The following PARN variants were observed in gnomAD, a reference collection of about 807,000 sequenced individuals.
PARN encodes the protein poly(A)-specific ribonuclease PARN.
PARN carries 71 observed loss-of-function variants against 102.8 expected under a neutral mutation model. The observed-to-expected ratio is 0.69, with a 90% confidence interval of 0.57 to 0.84. The LOEUF (loss-of-function observed/expected upper bound fraction) is 0.84, where lower values mean the gene tolerates loss of function less well. Ranked by LOEUF, PARN falls within the 40% of genes least tolerant of loss-of-function variation. The probability of loss-of-function intolerance (pLI) is 0.00; values close to 1 mark genes in which losing one functional copy is unlikely to be tolerated. For missense variants in PARN, 782 were observed against 760.9 expected, an observed-to-expected ratio of 1.03 and a Z score of -0.33; for synonymous variants, 261 against 252.9, an observed-to-expected ratio of 1.03 and a Z score of -0.30.
At chr16:14,508,191 G>A (rs976638766) in intron 21 of PARN, among the ~76,000 whole-genome samples, 11 of 151,700 alleles carry the variant, frequency 7.3e-5, no homozygotes, top group African/African-American at 2.7e-4. Flanking sequence ...CAGGCAGGCA[G>A]ATAGATAGAT....
chr16:14,627,366 A>G, intron 3 of PARN, 30 bp from the exon 4 acceptor site: 1 of 1,509,810 alleles, frequency 6.6e-7, no homozygotes, highest in East Asian at 2.4e-5. Flanking sequence ...CATCTGTCAC[A>G]AAAGTGCTGC....
chr16:14,586,316 A>C lies in PARN; in HGVS notation c.962+2T>G. 1 of 1,538,366 alleles carries C rather than the reference A, an allele frequency of 6.5e-7. No individual in the cohort carries two copies. The highest frequency in any genetic ancestry group is 8.8e-7 in the Non-Finnish European group (1 of 1,131,276). ...AAAGACAAATCCTCAAAGAAAGCTT[A>C]CCTGGGGAAAACACATGTTGTCATC... On this transcript the variant is annotated splice_donor_variant, in intron 14 of 23. Transcript: ENST00000437198. LOFTEE classifies it high-confidence loss of function.
chr16:14,599,844 T>G, intron 12 of PARN, 60 bp downstream of exon 12: 1 of 979,848 alleles, frequency 1.0e-6, no homozygotes, highest in African/African-American at 1.6e-5. Context: ...CAATGATAAT[T>G]AGATACTTCA....
intron 3 of PARN, among the ~76,000 whole-genome samples, chr16:14,627,904 G>A (rs1237680639): frequency 6.6e-6 from 1 of 152,200 alleles, no homozygotes; most frequent in African/African-American, 2.4e-5. Flanking sequence ...AACTACTTGG[G>A]AGGCTGTGGC....
chr16:14,458,569 G>C (rs192701258), intron 22 of PARN, among the ~76,000 whole-genome samples: 2 of 152,266 alleles, frequency 1.3e-5, no homozygotes, highest in African/African-American at 4.8e-5. Context: ...CTTTGTAGAG[G>C]AAAAGCAGGG....
At chr16:14,569,139 G>A (rs1968628816) in intron 18 of PARN, among the ~76,000 whole-genome samples, 2 of 151,666 alleles carry the variant, frequency 1.3e-5, no homozygotes, top group Admixed American at 6.6e-5. Flanking sequence ...TAGAGCCTCG[G>A]AGGTGAAGGT....
At chr16:14,561,632 T>A (rs769712617) in intron 18 of PARN, among the ~76,000 whole-genome samples, 2 of 152,132 alleles carry the variant, frequency 1.3e-5, no homozygotes, top group African/African-American at 4.8e-5. Context: ...AGCAACATGG[T>A]GAGACTCCTG....
At position 14,599,904 on chromosome 16, in the gene PARN, C is replaced by T. The variant is rs200026431; in HGVS notation, c.840G>A (p.Ser280=). The change falls in exon 12 of 24, where the codon TCG becomes TCA. Residue 280 remains serine (S), a splice_region_variant and synonymous_variant. Transcript: ENST00000437198. ...FSRVIHAIAN[S]GKLVIGHNML... Reference sequence around the variant, plus strand: ...TTGCTAAAAAGTCTGGCTCACTTACCGAATTAGCAATGGCGTGAATGACTC... The same window carrying T: ...TTGCTAAAAAGTCTGGCTCACTTACTGAATTAGCAATGGCGTGAATGACTC... 3.6e-5 allele frequency: 57 copies of T among 1,595,394 alleles called. No individual in the cohort carries two copies. The highest frequency in any genetic ancestry group is 4.4e-5 in the Non-Finnish European group (52 of 1,168,696).
At chr16:14,604,549 C>T (rs1179046544) in intron 10 of PARN, among the ~76,000 whole-genome samples, 3 of 152,202 alleles carry the variant, frequency 2.0e-5, no homozygotes, top group Middle Eastern at 3.4e-3. Context: ...GTGTGAGCCA[C>T]GGTCCTGGCC....
chr16:14,555,575 T>C (rs891574994), intron 19 of PARN, 79 bp downstream of exon 19: 7 of 610,988 alleles, frequency 1.1e-5, no homozygotes, highest in Non-Finnish European at 1.9e-5. Flanking sequence ...GCTTTTTCTT[T>C]AGTAATATTT....
chr16:14,586,392 T>C lies in PARN; in HGVS notation c.919-31A>G, dbSNP rs189764652. On this transcript the variant is annotated intron_variant, in intron 13 of 23. Coordinates refer to ENST00000437198, the MANE Select transcript of PARN (RefSeq NM_002582.4). ...GAACAAGAGAAGGACTTGTTACAAT[T>C]TTCCTAATACACTCGCAGTATTAAA... 1.0e-5 allele frequency: 14 copies of C among 1,345,248 alleles called. No homozygotes were observed. The African/African-American group carries it at 1.6e-4, about 15-fold the overall frequency. 83.3% of individuals were successfully genotyped at this position (1,345,248 alleles called of 1,614,324 possible). A position where few individuals can be genotyped will look rare whatever the true frequency, so the allele number is the denominator to read the frequency against.
chr16:14,630,216 G>C lies in PARN; in HGVS notation c.-91C>G. On this transcript the variant is annotated 5_prime_UTR_variant, in exon 1 of 24. Coordinates refer to ENST00000437198, the MANE Select transcript of PARN (RefSeq NM_002582.4). ...GAATTCCGCGGCGACTGCGGCAGTAGCTGAGGCAGCCGCAGCGGTGACGCC... is the reference window on the plus strand; with the variant it reads ...GAATTCCGCGGCGACTGCGGCAGTACCTGAGGCAGCCGCAGCGGTGACGCC... 1 of 1,160,788 alleles carries C rather than the reference G, an allele frequency of 8.6e-7. No homozygotes were observed. Among genetic ancestry groups the C allele is most frequent in the African/African-American group, 1.6e-5 (1 of 63,850 alleles). 71.9% of individuals were successfully genotyped at this position (1,160,788 alleles called of 1,614,324 possible).
At chr16:14,442,465 T>G (rs1221659954) in intron 23 of PARN, among the ~76,000 whole-genome samples, 1 of 152,190 alleles carries the variant, frequency 6.6e-6, no homozygotes, top group Non-Finnish European at 1.5e-5. Context: ...AGGGGACTTA[T>G]GCTGTACATT....
At chr16:14,495,932 A>T (rs532440568) in intron 21 of PARN, among the ~76,000 whole-genome samples, 2 of 152,138 alleles carry the variant, frequency 1.3e-5, no homozygotes, top group South Asian at 4.2e-4. Context: ...GAGGGGAGGG[A>T]TCTTCCCAAA....
chr16:14,572,609 T>A (rs560277127), intron 18 of PARN, among the ~76,000 whole-genome samples: 2 of 152,196 alleles, frequency 1.3e-5, no homozygotes, highest in Non-Finnish European at 2.9e-5. Flanking sequence ...TGCTGCGTTA[T>A]ATTCATTTCA....
rs143926615 is a variant in PARN, at chr16:14,622,035, A to G, written c.328-4385T>C. Among the ~76,000 whole-genome samples the G allele has an allele frequency of 6.0e-3, 910 of 151,962 alleles. 13 individuals are homozygous for G. The highest frequency in any genetic ancestry group is 0.021 in the African/African-American group (862 of 41,420). ...TGGTGAAACTCTGTCCCTACTAAAA[A>G]TACAAAAATTAGCCAGGCATGGTGG... On this transcript the variant is annotated intron_variant, in intron 5 of 23. Transcript: ENST00000437198.
chr16:14,521,802 CA>C (rs747428935), intron 21 of PARN, among the ~76,000 whole-genome samples: 189 of 136,648 alleles, frequency 1.4e-3, no homozygotes, highest in Admixed American at 1.4e-3. Flanking sequence ...AACTCCATCT[CA>C]AAAAAAAAAA....
intron 22 of PARN, among the ~76,000 whole-genome samples, chr16:14,461,615 C>T (rs529107014): frequency 6.6e-6 from 1 of 152,312 alleles, no homozygotes; most frequent in African/African-American, 2.4e-5. Context: ...TGATAAGTTG[C>T]CTTCGTTAAG....
chr16:14,470,252 A>C (rs1035615679), intron 22 of PARN, among the ~76,000 whole-genome samples: 3 of 152,114 alleles, frequency 2.0e-5, no homozygotes, highest in Non-Finnish European at 2.9e-5. Context: ...GCAGGCTTTC[A>C]GTGCTGAGTT....
Sources: allele counts gnomAD v4.1 joint callset (sites outside exome capture counted in the v4.1 genomes callset), GRCh38; gene constraint gnomAD v4.1.1; transcripts MANE v1.5; gene names NCBI Gene and HGNC (gene_info 2026-07-23, HGNC 2026-07-21).